CD163L1: variants seen among roughly 807,000 people sequenced by gnomAD.
The protein encoded by CD163L1 is CD163 molecule like 1.
In CD163L1, 124 loss-of-function variants were observed where a neutral mutation model predicts 165.4. The observed-to-expected ratio is 0.75, with a 90% CI of 0.65 to 0.87. The LOEUF (loss-of-function observed/expected upper bound fraction) is 0.87. Among genes scored for constraint, CD163L1 ranks in the 40% least tolerant of loss-of-function variants. The pLI, the probability that CD163L1 is intolerant of heterozygous loss-of-function variation, is 0.00. For missense variants in CD163L1, 1,525 were observed against 1,799.9 expected, an observed-to-expected ratio of 0.85 and a Z score of 2.76; for synonymous variants, 585 against 662.2, an observed-to-expected ratio of 0.88 and a Z score of 1.79.
rs779807168 is a variant in CD163L1, at chr12:7,379,123, C to A, written c.2226G>T (p.Glu742Asp). 6.2e-7 allele frequency: 1 copy of A among 1,614,082 alleles called. No individual in the cohort carries two copies. The highest frequency in any genetic ancestry group is 8.5e-7 in the Non-Finnish European group (1 of 1,180,004). ...GTAATGTTCTTTCTGTGAAATGAGGCTCTCTGGAGACCCTGATTGCAGACC... is the reference window on the plus strand; with the variant it reads ...GTAATGTTCTTTCTGTGAAATGAGGATCTCTGGAGACCCTGATTGCAGACC... ...ECGSAIRVSR[E>D]PHFTERTLHI... Residue 742 changes from glutamate to aspartate, a missense_variant, in exon 9 of 20, where the codon GAG becomes GAT. Physicochemically the swap from Glu to Asp is conservative, Grantham distance 45 (BLOSUM62 2). Transcript: ENST00000313599.
At position 7,396,156 on chromosome 12, in the gene CD163L1, C is replaced by A. The variant is rs777475096; in HGVS notation, c.1989G>T (p.Arg663Ser). 1 of 1,614,176 alleles carries A rather than the reference C, an allele frequency of 6.2e-7. No homozygotes were observed. Among genetic ancestry groups the A allele is most frequent in the South Asian group, 1.1e-5 (1 of 91,082 alleles). Residue 663 changes from arginine to serine, a missense_variant, in exon 8 of 20, where the codon AGG (arginine) becomes AGT (serine). Arg to Ser is a moderately radical substitution (Grantham distance 110). Coordinates refer to ENST00000313599, the MANE Select transcript of CD163L1 (RefSeq NM_174941.6). ...AGTCATTATTTCCCCACCCACTGTT[C>A]CTGCATGACCAGAGATCTGACTCAT... ...DGDESDLWSCRNSGWGNNDCS... is the reference protein window; with the variant it reads ...DGDESDLWSCSNSGWGNNDCS...
At chr12:7,345,037 G>C (rs942320511), downstream of CD163L1, among the ~76,000 whole-genome samples, 1 of 151,908 alleles carries the variant, frequency 6.6e-6, no homozygotes, top group Non-Finnish European at 1.5e-5. Context: ...CTTTTTCACT[G>C]TCTTGGCTAT....
intron 8 of CD163L1, among the ~76,000 whole-genome samples, chr12:7,386,567 T>A (rs1442621696): frequency 9.3e-6 from 1 of 107,240 alleles, no homozygotes; most frequent in African/African-American, 3.8e-5. Flanking sequence ...ATAAAAACCC[T>A]CAACAAAATA....
rs765456442 is a variant in CD163L1 at position 7,375,295 on chromosome 12, G to C, written c.2987C>G (p.Ser996Cys). Residue 996 changes from serine to cysteine, a missense_variant, in exon 11 of 20, where the codon TCT (serine) becomes TGT (cysteine). By Grantham distance (112) the Ser-to-Cys change is moderately radical (BLOSUM62 -1). Coordinates refer to ENST00000313599, the MANE Select transcript of CD163L1 (RefSeq NM_174941.6). ...TATTCTCTTACCTGTGCAGATCACA[G>C]AGACAGTATTTCCATGGATACAGGG... ...APPCIHGNTV[S>C]VICTGSLTQP... 5.0e-6 allele frequency: 8 copies of C among 1,613,968 alleles called. No homozygotes were observed. In the South Asian group the frequency reaches 8.8e-5, roughly 18 times the overall value.
chr12:7,383,008 G>A (rs1266647201), intron 8 of CD163L1, among the ~76,000 whole-genome samples: 2 of 152,144 alleles, frequency 1.3e-5, no homozygotes, highest in African/African-American at 2.4e-5. Flanking sequence ...CCCAGAGCCT[G>A]AGAGCCACCT....
At chr12:7,366,202 C>T (rs1277164992) in intron 18 of CD163L1, among the ~76,000 whole-genome samples, 1 of 151,670 alleles carries the variant, frequency 6.6e-6, no homozygotes, top group Admixed American at 6.6e-5. Flanking sequence ...AATGTTGATA[C>T]CATTAAGATA....
chr12:7,403,530 C>G lies in CD163L1; in HGVS notation c.1408+5G>C. ...GTGTACACTCTCATGATCTTTGAAC[C>G]TTACCAGAACAAATTACTCCAGCAT... is the stretch of plus-strand genomic sequence containing the variant. On this transcript the variant is annotated splice_donor_5th_base_variant and intron_variant, in intron 6 of 19. Transcript: ENST00000313599. The G allele has an allele frequency of 6.2e-7, 1 of 1,606,754 alleles. No individual in the cohort carries two copies. Among genetic ancestry groups the G allele is most frequent in the Non-Finnish European group, 8.5e-7 (1 of 1,176,434 alleles).
Position 7,432,804 on chromosome 12 carries a change from A to G in CD163L1, c.446-68T>C. 7.3e-7 allele frequency: 1 copy of G among 1,374,434 alleles called. No homozygotes were observed. Among genetic ancestry groups the G allele is most frequent in the Non-Finnish European group, 1.0e-6 (1 of 1,003,850 alleles). 85.1% of individuals were successfully genotyped at this position (1,374,434 alleles called of 1,614,324 possible). A position where few individuals can be genotyped will look rare whatever the true frequency, so the allele number is the denominator to read the frequency against. On this transcript the variant is annotated intron_variant, in intron 3 of 19. Transcript: ENST00000313599. This position sits in a 1 kb window ranked among gnomAD's most constrained non-coding sequence, Gnocchi z 4.2. ...TTGAGCCTGAAATAAAATCAAAAGG[A>G]TACGTAGAAGACAGCCCTGTTATGA...
chr12:7,372,642 TATATAC>T lies in CD163L1; in HGVS notation c.3730+672_3730+677del, dbSNP rs1441120689. On this transcript the variant is annotated intron_variant, in intron 14 of 19. Transcript: ENST00000313599. This position sits in a 1 kb window ranked among gnomAD's most constrained non-coding sequence, Gnocchi z 4.2. ...CATTACATGCATATATATCATACTA[TATATAC>T]ATATACATATATAGTATCTATATTT... Among the ~76,000 whole-genome samples, 11 of 151,910 alleles carry T rather than the reference TATATAC, an allele frequency of 7.2e-5. No homozygotes were observed. In the East Asian group the frequency reaches 2.1e-3, roughly 29 times the overall value.
intron 2 of CD163L1, chr12:7,440,052 G>A (rs1948800086): frequency 1.7e-6 from 2 of 1,210,940 alleles, no homozygotes; most frequent in Non-Finnish European, 2.4e-6. Flanking sequence ...AGCTCCTCGC[G>A]TTCCGCGCTC....
the CD163L1 span, chr12:7,328,490 C>T: frequency 1.3e-6 from 1 of 796,290 alleles, no homozygotes; most frequent in Non-Finnish European, 1.7e-6. Context: ...CTTGAAAACT[C>T]AACTGTTGAT....
At chr12:7,416,697 T>C (rs921949756) in intron 4 of CD163L1, among the ~76,000 whole-genome samples, 2 of 152,324 alleles carry the variant, frequency 1.3e-5, no homozygotes, top group East Asian at 3.9e-4. Flanking sequence ...TTGCTTGTTT[T>C]TGTCAGGTTT....
chr12:7,443,810 C>T (rs1022888801), intron 1 of CD163L1, among the ~76,000 whole-genome samples: 1 of 152,152 alleles, frequency 6.6e-6, no homozygotes, highest in Non-Finnish European at 1.5e-5. Context: ...TTTATCCCTT[C>T]TTTCTATTTC....
At chr12:7,318,936 C>T in the CD163L1 span, among the ~76,000 whole-genome samples, 9,308 of 152,166 alleles carry the variant, frequency 0.061, 385 homozygotes, top group East Asian at 0.16. Flanking sequence ...GGACTGGATT[C>T]GTGGAAGACA....
intron 8 of CD163L1, among the ~76,000 whole-genome samples, chr12:7,394,724 A>G (rs965939056): frequency 3.9e-5 from 6 of 152,236 alleles, no homozygotes; most frequent in South Asian, 2.1e-4. Flanking sequence ...CAGAATCTAC[A>G]AAGAACTTAA....
At chr12:7,412,447 T>A (rs901196026) in intron 4 of CD163L1, among the ~76,000 whole-genome samples, 9 of 152,082 alleles carry the variant, frequency 5.9e-5, no homozygotes, top group Non-Finnish European at 1.2e-4. Context: ...AATCTTCCCA[T>A]AAAGAACCAT....
chr12:7,329,515 T>G, the CD163L1 span, among the ~76,000 whole-genome samples: 1 of 152,038 alleles, frequency 6.6e-6, no homozygotes, highest in East Asian at 1.9e-4. Context: ...ATTTTTAACC[T>G]TAGAGAAACA....
intron 6 of CD163L1, among the ~76,000 whole-genome samples, chr12:7,402,820 G>A (rs4131305): frequency 6.6e-6 from 1 of 151,742 alleles, no homozygotes; most frequent in Non-Finnish European, 1.5e-5. Flanking sequence ...ATTTTTTGCA[G>A]AGGGAGTCTT....
chr12:7,347,770 C>CA lies in CD163L1; in HGVS notation c.*25-624dup, dbSNP rs386375519. 0.013 allele frequency among the ~76,000 whole-genome samples: 1,717 copies of CA among 131,378 alleles called. 26 individuals are homozygous for CA. Among genetic ancestry groups the CA allele is most frequent in the African/African-American group, 0.039 (1,377 of 35,754 alleles). 86.2% of individuals were successfully genotyped at this position (131,378 alleles called of 152,430 possible). A position where few individuals can be genotyped will look rare whatever the true frequency, so the allele number is the denominator to read the frequency against. Reference sequence around the variant, plus strand: ...TGGGTGACAGAGCGAGACTCCGTCTCAAAAAAAAAAAGAAAAAGAAATGGT... The same window carrying CA: ...TGGGTGACAGAGCGAGACTCCGTCTCAAAAAAAAAAAAGAAAAAGAAATGGT... On this transcript the variant is annotated intron_variant, in intron 4 of 4. Coordinates refer to the CD163L1 transcript ENST00000539726. The surrounding 1 kb of genome is among the most constrained non-coding windows in gnomAD (Gnocchi z 4.2).
Sources: gnomAD v4.1 joint callset for allele counts (sites outside exome capture counted in the v4.1 genomes callset) on GRCh38, gnomAD v4.1.1 for gene constraint, Gnocchi (gnomAD v3.1) non-coding constraint, MANE v1.5 for transcripts, NCBI Gene and HGNC (gene_info 2026-07-23, HGNC 2026-07-21) for gene names.